PALD1: variants seen among roughly 807,000 people sequenced by gnomAD.
PALD1 encodes paladin.
In PALD1, 57 loss-of-function variants were observed where a neutral mutation model predicts 96.0. The ratio of observed to expected loss-of-function variants is 0.59; its 90% CI spans 0.48 to 0.74. PALD1 has a LOEUF of 0.74. Ranked by LOEUF, PALD1 falls within the 30% of genes least tolerant of loss-of-function variation. The pLI is 0.00. For synonymous variants in PALD1, 464 were observed against 473.6 expected, an observed-to-expected ratio of 0.98 and a Z score of 0.26; for missense variants, 1,063 against 1,143.7, an observed-to-expected ratio of 0.93 and a Z score of 1.02.
chr10:70,566,502 A>G (rs1396799824), intron 19 of PALD1, 79 bp from the exon 20 acceptor site: 1 of 1,076,188 alleles, frequency 9.3e-7, no homozygotes, highest in Non-Finnish European at 1.4e-6. Flanking sequence ...CAGGCCACAG[A>G]CTCATCTTCA....
upstream of PALD1, among the ~76,000 whole-genome samples, chr10:70,477,176 G>A (rs1845839906): frequency 6.6e-6 from 1 of 152,202 alleles, no homozygotes; most frequent in Admixed American, 6.5e-5. Flanking sequence ...CTGACAGCTG[G>A]TGGGATGGGA....
At chr10:70,510,707 T>A (rs749371319) in intron 1 of PALD1, among the ~76,000 whole-genome samples, 53 of 152,306 alleles carry the variant, frequency 3.5e-4, no homozygotes, top group South Asian at 8.3e-4. Context: ...GAAGGCTCCC[T>A]AGAGGGAAAA....
In PALD1 at chr10:70,534,726, T is replaced by G; in HGVS notation, c.1123-13T>G. 4.0e-6 allele frequency: 6 copies of G among 1,491,772 alleles called. No homozygotes were observed. Among genetic ancestry groups the G allele is most frequent in the Non-Finnish European group, 5.6e-6 (6 of 1,078,012 alleles). The allele number at this position is 1,491,772 out of a possible 1,614,324, so 92.4% of individuals were successfully genotyped here. On this transcript the variant is annotated splice_polypyrimidine_tract_variant and intron_variant, in intron 9 of 19. Transcript: ENST00000263563. ...CCCACCTCCCTCTTACTTGCCTTGG[T>G]CTCTGGCACCAGGTGGACAGAGCCA...
intron 1 of PALD1, among the ~76,000 whole-genome samples, chr10:70,520,701 T>C (rs1846715948): frequency 6.8e-6 from 1 of 146,838 alleles, no homozygotes; most frequent in African/African-American, 2.5e-5. Flanking sequence ...TTTTTTTTTT[T>C]TTTTTTTGCG....
At chr10:70,492,576 C>T (rs1265121300) in intron 1 of PALD1, among the ~76,000 whole-genome samples, 10 of 148,064 alleles carry the variant, frequency 6.8e-5, no homozygotes, top group Admixed American at 3.5e-4. Flanking sequence ...CCTGCCTCAG[C>T]TTCCTGAGTA....
At chr10:70,549,633 C>G (rs1007148410) in intron 18 of PALD1, among the ~76,000 whole-genome samples, 1 of 152,128 alleles carries the variant, frequency 6.6e-6, no homozygotes, top group African/African-American at 2.4e-5. Flanking sequence ...CCGAAAGGTG[C>G]AAAACGAGTT....
Position 70,539,673 on chromosome 10 carries a change from C to T in PALD1, c.1819C>T (p.Gln607Ter). ...TYRFQTCLTM[Q>*]EVFSQHRRAC... ...CAGGTTCCAGACCTGCCTTACCATG[C>T]AGGAGGTCTTCAGCCAGCACCGCAG... The change falls in exon 15 of 20, where the codon CAG (glutamine) becomes TAG (stop). Residue 607 changes from glutamine (Q) to a stop codon, truncating the protein, a stop_gained. Transcript: ENST00000263563. LOFTEE classifies it high-confidence loss of function. The surrounding 1 kb of genome is among the most constrained non-coding windows in gnomAD (Gnocchi z 4.5). The T allele has an allele frequency of 6.2e-7, 1 of 1,613,754 alleles. No homozygotes were observed. The highest frequency in any genetic ancestry group is 2.2e-5 in the East Asian group (1 of 44,876).
At chr10:70,531,547 C>A (rs1589199065) in intron 5 of PALD1, 93 bp downstream of exon 5, 4 of 1,279,588 alleles carry the variant, frequency 3.1e-6, no homozygotes, top group African/African-American at 3.0e-5. Context: ...CTTACTGGCC[C>A]GTGTTCCCCC....
rs777062170 is a variant in PALD1, at chr10:70,539,308, G to T, written c.1725+61G>T. The T allele has an allele frequency of 1.3e-4, 196 of 1,509,064 alleles. No homozygotes were observed. The highest frequency in any genetic ancestry group is 1.7e-4 in the Non-Finnish European group (187 of 1,121,624). 93.5% of individuals were successfully genotyped at this position (1,509,064 alleles called of 1,614,324 possible). A position where few individuals can be genotyped will look rare whatever the true frequency, so the allele number is the denominator to read the frequency against. On this transcript the variant is annotated intron_variant, in intron 14 of 19. Transcript: ENST00000263563. This position sits in a 1 kb window ranked among gnomAD's most constrained non-coding sequence, Gnocchi z 4.5. Reference sequence around the variant, plus strand: ...GAGGCTTCTGGGGAGTGGCCTGGGAGGGTCTTCAGAAGGCCTCACACTCCC... The same window carrying T: ...GAGGCTTCTGGGGAGTGGCCTGGGATGGTCTTCAGAAGGCCTCACACTCCC...
At chr10:70,541,638 A>G in intron 17 of PALD1, 104 bp downstream of exon 17, 1 of 777,270 alleles carries the variant, frequency 1.3e-6, no homozygotes. Context: ...CAATGCAGTC[A>G]CGTCTGCCAC....
chr10:70,534,703 C>A (rs536296823), intron 9 of PALD1, 36 bp from the exon 10 acceptor site: 18 of 1,347,432 alleles, frequency 1.3e-5, no homozygotes, highest in African/African-American at 4.3e-5. Context: ...CCCACCCCCC[C>A]ACCTCCCTCT....
chr10:70,481,095 A>G (rs1267727860), intron 1 of PALD1, among the ~76,000 whole-genome samples: 1 of 152,242 alleles, frequency 6.6e-6, no homozygotes, highest in Non-Finnish European at 1.5e-5. Context: ...ACATATAGGT[A>G]GACCCAGCAG....
At chr10:70,509,335 C>A (rs1846467570) in intron 1 of PALD1, among the ~76,000 whole-genome samples, 1 of 152,184 alleles carries the variant, frequency 6.6e-6, no homozygotes, top group Non-Finnish European at 1.5e-5. Flanking sequence ...AACTCTCTGG[C>A]CTGTTTTTTC....
At chr10:70,502,617 G>C (rs1846320270) in intron 1 of PALD1, among the ~76,000 whole-genome samples, 2 of 152,168 alleles carry the variant, frequency 1.3e-5, no homozygotes, top group South Asian at 2.1e-4. Context: ...AATGGATGGA[G>C]CAGTGGTGGA....
At position 70,529,213 on chromosome 10, in the gene PALD1, C is replaced by CTA. The variant is rs1846937966; in HGVS notation, c.186-16_186-15insTA. 7.3e-6 allele frequency: 1 copy of CTA among 137,474 alleles called. No homozygotes were observed. Among genetic ancestry groups the CTA allele is most frequent in the African/African-American group, 6.9e-5 (1 of 14,440 alleles). The allele number at this position is 137,474 out of a possible 1,614,324, so 8.5% of individuals were successfully genotyped here. A position where few individuals can be genotyped will look rare whatever the true frequency, so the allele number is the denominator to read the frequency against. Reference sequence around the variant, plus strand: ...CTTGACTCAGTTTCCATTCTGCCCCCCCCCCCCCCCCCCAGGTACAACTGC... The same window carrying CTA: ...CTTGACTCAGTTTCCATTCTGCCCCCTACCCCCCCCCCCCCAGGTACAACTGC... On this transcript the variant is annotated splice_polypyrimidine_tract_variant and intron_variant, in intron 2 of 19. Transcript: ENST00000263563.
intron 1 of PALD1, among the ~76,000 whole-genome samples, chr10:70,505,639 CAAAACAAA>C (rs1191053028): frequency 1.0e-5 from 1 of 96,338 alleles, no homozygotes; most frequent in Non-Finnish European, 2.3e-5. Context: ...CAAAACAAAA[CAAAACAAA>C]AAAACAAATC....
At chr10:70,538,153 A>T (rs1004665492) in intron 11 of PALD1, 127 bp from the exon 12 acceptor site, 1 of 1,025,926 alleles carries the variant, frequency 9.7e-7, no homozygotes, top group African/African-American at 1.6e-5. Flanking sequence ...TCTCTCAGCC[A>T]CTCCCTTGTC....
chr10:70,555,164 G>A (rs142240240), intron 18 of PALD1, among the ~76,000 whole-genome samples: 1,745 of 149,270 alleles, frequency 0.012, 35 homozygotes, highest in African/African-American at 0.037. Flanking sequence ...TACTAGAGCC[G>A]GGGTTTTGCC....
chr10:70,507,705 T>C (rs1045987095), intron 1 of PALD1, among the ~76,000 whole-genome samples: 9 of 152,032 alleles, frequency 5.9e-5, no homozygotes, highest in Admixed American at 5.9e-4. Context: ...CATAGGTGCA[T>C]ACCACCACAC....
Sources: gnomAD v4.1 joint callset for allele counts (sites outside exome capture counted in the v4.1 genomes callset) on GRCh38, gnomAD v4.1.1 for gene constraint, Gnocchi (gnomAD v3.1) non-coding constraint, MANE v1.5 for transcripts, NCBI Gene and HGNC (gene_info 2026-07-23, HGNC 2026-07-21) for gene names.